Variants in GUK1 observed in about 807,000 individuals in gnomAD.
GUK1 encodes guanylate kinase.
GUK1 carries 18 observed loss-of-function variants against 25.2 expected under a neutral mutation model. That is an observed-to-expected ratio of 0.71 (90% CI 0.49 to 1.06). The LOEUF (loss-of-function observed/expected upper bound fraction) is 1.06, where lower values mean the gene tolerates loss of function less well. Among genes scored for constraint, GUK1 ranks in the 50% least tolerant of loss-of-function variants. The pLI is 0.00. For missense variants in GUK1, 261 were observed against 276.7 expected, an observed-to-expected ratio of 0.94 and a Z score of 0.40; for synonymous variants, 105 against 117.6, an observed-to-expected ratio of 0.89 and a Z score of 0.69.
chr1:228,146,910 G>A lies in GUK1; in HGVS notation c.223G>A (p.Glu75Lys), dbSNP rs1186749993. 6 of 1,613,442 alleles carry A rather than the reference G, an allele frequency of 3.7e-6. No individual in the cohort carries two copies. The highest frequency in any genetic ancestry group is 1.3e-5 in the African/African-American group (1 of 74,916). The change falls in exon 5 of 9, where the codon GAG becomes AAG. Residue 75 changes from glutamate to lysine, a missense_variant. By Grantham distance (56) the Glu-to-Lys change is moderately conservative. Transcript: ENST00000312726. ...AGCCGGCGACTTCATCGAGCATGCCGAGTTCTCGGGGAACCTGTATGGCAC... is the reference window on the plus strand; with the variant it reads ...AGCCGGCGACTTCATCGAGCATGCCAAGTTCTCGGGGAACCTGTATGGCAC...
In GUK1 at chr1:228,140,361, A is replaced by G. The variant is rs2033973149; in HGVS notation, c.-170A>G. The G allele has an allele frequency of 7.2e-6, 11 of 1,521,540 alleles. No homozygotes were observed. Among genetic ancestry groups the G allele is most frequent in the Non-Finnish European group, 9.6e-6 (11 of 1,143,046 alleles). 94.3% of individuals were successfully genotyped at this position (1,521,540 alleles called of 1,614,324 possible). On this transcript the variant is annotated splice_region_variant and 5_prime_UTR_variant, in exon 1 of 9. Coordinates refer to ENST00000312726, the MANE Select transcript of GUK1 (RefSeq NM_000858.7). Reference sequence around the variant, plus strand: ...GCCGCCCTGGGCCGGGCCCCACCGGACGGTGAGTACGACAAGCGCGATCGC... The same window carrying G: ...GCCGCCCTGGGCCGGGCCCCACCGGGCGGTGAGTACGACAAGCGCGATCGC...
intron 3 of GUK1, 139 bp downstream of exon 2, chr1:228,145,763 C>T (rs548569287): frequency 2.9e-6 from 3 of 1,021,958 alleles, no homozygotes; most frequent in Admixed American, 2.4e-5. Context: ...CACTCCCCCC[C>T]ACACAGAACC....
At chr1:228,145,424 T>G in intron 2 of GUK1, 87 bp from the exon 2 acceptor site, 1 of 1,368,538 alleles carries the variant, frequency 7.3e-7, no homozygotes, top group Non-Finnish European at 9.8e-7. Context: ...AGCCCTTTCC[T>G]GCCATGAATT....
intron 2 of GUK1, chr1:228,141,567 G>T (rs1297618768): frequency 2.2e-6 from 2 of 895,910 alleles, no homozygotes; most frequent in East Asian, 2.4e-4. Context: ...AGAAGGTCAA[G>T]CCCTCTGTTA....
At chr1:228,148,613 C>T (rs2034539543) in intron 8 of GUK1, 52 bp from the exon 8 acceptor site, 1 of 1,527,690 alleles carries the variant, frequency 6.5e-7, no homozygotes, top group African/African-American at 1.4e-5. Flanking sequence ...GCAGGAAGCC[C>T]AGCCCTTCCT....
intron 4 of GUK1, 47 bp from the exon 4 acceptor site, chr1:228,146,795 T>A: frequency 7.6e-7 from 1 of 1,316,622 alleles, no homozygotes; most frequent in South Asian, 1.2e-5. Context: ...CTGGGCACCC[T>A]GGTGCAGGTC....
chr1:228,141,368 T>A, intron 2 of GUK1: 1 of 630,082 alleles, frequency 1.6e-6, no homozygotes, highest in Non-Finnish European at 2.0e-6. Context: ...TGGTCCCATT[T>A]AAAACGAGGT....
chr1:228,145,440 A>G (rs1269084856), intron 2 of GUK1, 71 bp from the exon 2 acceptor site: 2 of 1,434,492 alleles, frequency 1.4e-6, no homozygotes, highest in Non-Finnish European at 1.9e-6. Context: ...GAATTCAGGA[A>G]GGCAGAGGCA....
intron 3 of GUK1, 165 bp from the exon 3 acceptor site, chr1:228,145,861 T>C: frequency 1.4e-6 from 1 of 713,332 alleles, no homozygotes. Context: ...ACAGTGTTTC[T>C]TTCTGGGAGA....
At chr1:228,147,361 C>CAGG (rs2034439562) in intron 5 of GUK1, 45 bp from the exon 5 acceptor site, 1 of 1,583,526 alleles carries the variant, frequency 6.3e-7, no homozygotes, top group Non-Finnish European at 8.6e-7. Flanking sequence ...TCCTGTAGGC[C>CAGG]TCAGAGAGCC....
chr1:228,148,391 G>C lies in GUK1; in HGVS notation c.496G>C (p.Asp166His). 1.3e-6 allele frequency: 2 copies of C among 1,554,144 alleles called. No homozygotes were observed. Among genetic ancestry groups the C allele is most frequent in the Non-Finnish European group, 8.7e-7 (1 of 1,145,270 alleles). The change falls in exon 8 of 9, where the codon GAT (aspartate) becomes CAT (histidine). Residue 166 changes from aspartate to histidine, a missense_variant. Asp to His is a moderately conservative substitution (Grantham distance 81). Coordinates refer to ENST00000312726, the MANE Select transcript of GUK1 (RefSeq NM_000858.7). The stretch of plus-strand genomic sequence containing the variant: ...CACAGGCAAGGAGCCCGGCCTGTTT[G>C]ATGTGGTCATCATTAACGACAGCCT...
intron 2 of GUK1, chr1:228,141,689 A>C (rs750050113): frequency 7.8e-7 from 1 of 1,284,210 alleles, no homozygotes; most frequent in African/African-American, 1.6e-5. Flanking sequence ...GTGCCTTTCC[A>C]GGAAAGCGGC....
At chr1:228,146,803 G>T in intron 4 of GUK1, 39 bp from the exon 4 acceptor site, 2 of 1,388,400 alleles carry the variant, frequency 1.4e-6, no homozygotes, top group Middle Eastern at 1.8e-4. Context: ...CCTGGTGCAG[G>T]TCCAGTCTGC....
At chr1:228,147,777 T>A in intron 7 of GUK1, 78 bp downstream of exon 6, 4 of 1,297,208 alleles carry the variant, frequency 3.1e-6, no homozygotes, top group Non-Finnish European at 4.3e-6. Flanking sequence ...AGGGACCCTG[T>A]GGGTCCCCAG....
At chr1:228,145,930 T>C in intron 3 of GUK1, 96 bp from the exon 3 acceptor site, 1 of 928,878 alleles carries the variant, frequency 1.1e-6, no homozygotes, top group Non-Finnish European at 1.8e-6. Flanking sequence ...GCTGCCTGCA[T>C]CCTGGGGCTC....
intron 3 of GUK1, 130 bp downstream of exon 2, chr1:228,145,754 A>G: frequency 9.3e-7 from 1 of 1,077,110 alleles, no homozygotes; most frequent in Non-Finnish European, 1.3e-6. Context: ...ACTCTTGCAC[A>G]CTCCCCCCCA....
At position 228,147,416 on chromosome 1, in the gene GUK1, G is replaced by T; in HGVS notation, c.262G>T (p.Val88Leu). The T allele has an allele frequency of 6.2e-7, 1 of 1,611,148 alleles. No homozygotes were observed. Among genetic ancestry groups the T allele is most frequent in the Non-Finnish European group, 8.5e-7 (1 of 1,179,384 alleles). Residue 88 changes from valine to leucine, a missense_variant, in exon 6 of 9, where the codon GTG becomes TTG. Val to Leu is a conservative substitution (Grantham distance 32). Coordinates refer to ENST00000312726, the MANE Select transcript of GUK1 (RefSeq NM_000858.7). ...GGCACCTCTCCCCAGCAAGGTGGCG[G>T]TGCAGGCCGTGCAGGCCATGAACCG...
chr1:228,146,075 G>A lies in GUK1; in HGVS notation c.154+8G>A. On this transcript the variant is annotated splice_region_variant and intron_variant, in intron 4 of 8. Coordinates refer to ENST00000312726, the MANE Select transcript of GUK1 (RefSeq NM_000858.7). Reference sequence around the variant, plus strand: ...GCGAGGAGAACGGCAAAGGTGAGTGGGGTGGGGCCCTATGGCTGGAGCACC... The same window carrying A: ...GCGAGGAGAACGGCAAAGGTGAGTGAGGTGGGGCCCTATGGCTGGAGCACC... 6.9e-6 allele frequency: 11 copies of A among 1,602,846 alleles called. No individual in the cohort carries two copies. Among genetic ancestry groups the A allele is most frequent in the South Asian group, 1.1e-5 (1 of 90,856 alleles).
chr1:228,143,230 C>T (rs111257802), intron 2 of GUK1, among the ~76,000 whole-genome samples: 3,583 of 152,148 alleles, frequency 0.024, 78 homozygotes, highest in African/African-American at 0.058. Flanking sequence ...CTTGGGGCAG[C>T]CCTGTCAGGC....
Sources: gnomAD v4.1 joint callset for allele counts (sites outside exome capture counted in the v4.1 genomes callset) on GRCh38, gnomAD v4.1.1 for gene constraint, MANE v1.5 for transcripts, NCBI Gene and HGNC (gene_info 2026-07-23, HGNC 2026-07-21) for gene names.